Variants in PTGER3 observed in about 807,000 individuals in gnomAD.
PTGER3 encodes prostaglandin E receptor 3, also known as prostaglandin E2 receptor EP3 subtype.
In PTGER3, 22 loss-of-function variants were observed where a neutral mutation model predicts 34.7. The ratio of observed to expected loss-of-function variants is 0.63; its 90% CI spans 0.45 to 0.91. PTGER3 has a LOEUF of 0.91. Among genes scored for constraint, PTGER3 ranks in the 40% least tolerant of loss-of-function variants. The probability of loss-of-function intolerance (pLI) is 0.00; values close to 1 mark genes in which losing one functional copy is unlikely to be tolerated. For synonymous variants in PTGER3, 241 were observed against 230.1 expected, an observed-to-expected ratio of 1.05 and a Z score of -0.43; for missense variants, 468 against 519.4, an observed-to-expected ratio of 0.90 and a Z score of 0.96.
At chr1:71,042,578 CAT>C (rs1167084730) in intron 1 of PTGER3, among the ~76,000 whole-genome samples, 2 of 152,014 alleles carry the variant, frequency 1.3e-5, no homozygotes, top group African/African-American at 2.4e-5. Context: ...AATGTGGATT[CAT>C]ATGTTTAATC....
In PTGER3 at chr1:70,971,313, A is replaced by T. The variant is rs188333381; in HGVS notation, c.*417T>A. 1.6e-5 allele frequency: 16 copies of T among 989,190 alleles called. No individual in the cohort carries two copies. In the East Asian group the frequency reaches 1.6e-3, roughly 96 times the overall value. 61.3% of individuals were successfully genotyped at this position (989,190 alleles called of 1,614,324 possible). A position where few individuals can be genotyped will look rare whatever the true frequency, so the allele number is the denominator to read the frequency against. The stretch of plus-strand genomic sequence containing the variant: ...ACTCTCAATATGTTGACTTTTCACC[A>T]TCATAAGCTTATACTGATTTTTCAA... On this transcript the variant is annotated 3_prime_UTR_variant, in exon 4 of 4. Coordinates refer to ENST00000306666, the MANE Select transcript of PTGER3 (RefSeq NM_198719.2).
chr1:70,931,309 G>T (rs1034160611), intron 4 of PTGER3, among the ~76,000 whole-genome samples: 2 of 152,196 alleles, frequency 1.3e-5, no homozygotes, highest in Non-Finnish European at 2.9e-5. Context: ...GGCATTGAAT[G>T]TCTGCAGCTT....
At chr1:70,997,056 G>C (rs1656052514) in intron 2 of PTGER3, 1 of 152,214 alleles carries the variant, frequency 6.6e-6, no homozygotes. Flanking sequence ...CAGATCAATT[G>C]AGGTTGGGAG....
At chr1:70,925,222 C>T (rs191124794) in intron 4 of PTGER3, among the ~76,000 whole-genome samples, 201 of 152,290 alleles carry the variant, frequency 1.3e-3, no homozygotes, top group African/African-American at 4.8e-3. Context: ...CCAGTCTGGT[C>T]TTGAACTCCT....
intron 4 of PTGER3, among the ~76,000 whole-genome samples, chr1:70,941,424 G>C (rs1649750247): frequency 6.6e-6 from 1 of 152,066 alleles, no homozygotes; most frequent in Non-Finnish European, 1.5e-5. Context: ...GATTACTATA[G>C]TTGACCTCAT....
At position 71,006,096 on chromosome 1, in the gene PTGER3, C is replaced by T. The variant is rs1054918034; in HGVS notation, c.1077+6209G>A. ...AGTCATCCTACAGGAGTATAGAACA[C>T]TGGAACTTATTTCTGTTATCTCTCT... is the stretch of plus-strand genomic sequence containing the variant. On this transcript the variant is annotated intron_variant, in intron 2 of 3. Transcript: ENST00000306666. 7 of 894,900 alleles carry T rather than the reference C, an allele frequency of 7.8e-6. No homozygotes were observed. The African/African-American group carries it at 9.0e-5, about 12-fold the overall frequency. The allele number at this position is 894,900 out of a possible 1,614,324, so 55.4% of individuals were successfully genotyped here.
At chr1:70,920,281 C>T (rs186204500) in intron 4 of PTGER3, among the ~76,000 whole-genome samples, 32 of 152,294 alleles carry the variant, frequency 2.1e-4, no homozygotes, top group African/African-American at 7.7e-4. Flanking sequence ...GCTCATCTTT[C>T]ATGCCCTTCC....
chr1:70,951,146 TAACTC>T (rs1650724000), downstream of PTGER3: 1 of 152,238 alleles, frequency 6.6e-6, no homozygotes, highest in Non-Finnish European at 1.5e-5. Context: ...ACCTTTGTCT[TAACTC>T]TACTGTTCCT....
intron 2 of PTGER3, chr1:71,008,560 T>A (rs904315310): frequency 9.5e-5 from 92 of 973,016 alleles, no homozygotes; most frequent in Admixed American, 2.5e-4. Context: ...GTATGTGAGT[T>A]TAGGTTGGTT....
intron 4 of PTGER3, among the ~76,000 whole-genome samples, chr1:70,935,470 T>C (rs1427428551): frequency 6.6e-6 from 1 of 151,996 alleles, no homozygotes; most frequent in Non-Finnish European, 1.5e-5. Flanking sequence ...TGTGCCTTAT[T>C]GGGAGAGTCT....
At chr1:71,005,011 G>T (rs908721998) in intron 2 of PTGER3, among the ~76,000 whole-genome samples, 10 of 152,234 alleles carry the variant, frequency 6.6e-5, no homozygotes, top group African/African-American at 2.4e-4. Context: ...CTTTTAAGGA[G>T]TGGTTCCAAC....
intron 2 of PTGER3, among the ~76,000 whole-genome samples, chr1:71,004,696 C>G (rs1487997252): frequency 6.6e-6 from 1 of 152,112 alleles, no homozygotes; most frequent in East Asian, 1.9e-4. Context: ...AACCCTAATT[C>G]CTTTTATCAA....
chr1:70,874,646 T>C (rs145673375), intron 4 of PTGER3, among the ~76,000 whole-genome samples: 1 of 152,256 alleles, frequency 6.6e-6, no homozygotes, highest in Non-Finnish European at 1.5e-5. Context: ...TATTTCTCCT[T>C]TCTATCTCTT....
chr1:70,923,883 C>T (rs141839376), intron 4 of PTGER3, among the ~76,000 whole-genome samples: 191 of 152,258 alleles, frequency 1.3e-3, no homozygotes, highest in South Asian at 9.7e-3. Context: ...TCTTTTGCAA[C>T]GGGACACAAT....
intron 2 of PTGER3, among the ~76,000 whole-genome samples, chr1:70,982,779 A>T (rs1331656878): frequency 3.3e-5 from 5 of 151,564 alleles, no homozygotes; most frequent in African/African-American, 1.2e-4. Context: ...TTTAAATTTC[A>T]CTGTTTTTTC....
exon 4 of PTGER3, chr1:70,952,646 G>A: frequency 7.4e-6 from 8 of 1,082,416 alleles, no homozygotes; most frequent in Non-Finnish European, 9.0e-6. Context: ...GACTAAAGCA[G>A]CAGTCTTGGC....
intron 2 of PTGER3, chr1:71,010,470 C>G (rs1657342331): frequency 2.0e-6 from 2 of 983,398 alleles, no homozygotes. Flanking sequence ...AGGTGCTATA[C>G]TAGATGCTGG....
chr1:71,044,644 G>A (rs1660600943), intron 1 of PTGER3, among the ~76,000 whole-genome samples: 1 of 152,068 alleles, frequency 6.6e-6, no homozygotes. Context: ...CTAAATTACA[G>A]TTTTCAAGAT....
rs146252347 is a variant in PTGER3 at position 71,041,625 on chromosome 1, A to T, written c.897+5056T>A. On this transcript the variant is annotated intron_variant, in intron 1 of 3. Transcript: ENST00000306666. ...GAAGTTTCTAGGGAAAAGGAGGACT[A>T]GAGAGATTGTCTAATGATTCTCAAG... Among the ~76,000 whole-genome samples the T allele has an allele frequency of 3.7e-3, 558 of 152,356 alleles. 5 individuals carry two copies. The highest frequency in any genetic ancestry group is 0.013 in the African/African-American group (530 of 41,582).
Sources: gnomAD v4.1 joint callset for allele counts (sites outside exome capture counted in the v4.1 genomes callset) on GRCh38, gnomAD v4.1.1 for gene constraint, MANE v1.5 for transcripts, NCBI Gene and HGNC (gene_info 2026-07-23, HGNC 2026-07-21) for gene names.